MIS18A: variants seen among roughly 807,000 people sequenced by gnomAD.
The protein encoded by MIS18A is protein Mis18-alpha.
A neutral mutation model predicts 25.0 loss-of-function variants in MIS18A; 14 were observed. That is an observed-to-expected ratio of 0.56 (90% CI 0.37 to 0.88). The LOEUF (loss-of-function observed/expected upper bound fraction) is 0.88. MIS18A is among the 40% of genes least tolerant of loss of function. The probability of loss-of-function intolerance (pLI) is 0.00; values close to 1 mark genes in which losing one functional copy is unlikely to be tolerated. For missense variants in MIS18A, 292 were observed against 290.8 expected, an observed-to-expected ratio of 1.00 and a Z score of -0.03; for synonymous variants, 134 against 118.6, an observed-to-expected ratio of 1.13 and a Z score of -0.84.
the MIS18A span, among the ~76,000 whole-genome samples, chr21:32,173,110 T>C: frequency 3.4e-3 from 522 of 152,268 alleles, 3 homozygotes; most frequent in Non-Finnish European, 5.0e-3. Flanking sequence ...AAATCATACT[T>C]CATCAAAATT....
the MIS18A span, among the ~76,000 whole-genome samples, chr21:32,199,823 CACAA>C: frequency 9.2e-5 from 14 of 152,016 alleles, no homozygotes; most frequent in Middle Eastern, 3.4e-3. Context: ...CAAAAACAAA[CACAA>C]ACAAACAAAC....
chr21:32,198,771 CT>C, the MIS18A span, among the ~76,000 whole-genome samples: 2 of 152,194 alleles, frequency 1.3e-5, no homozygotes, highest in African/African-American at 4.8e-5. Context: ...AACAGTGATG[CT>C]TGTTACAGAA....
the MIS18A span, among the ~76,000 whole-genome samples, chr21:32,157,456 T>C: frequency 6.7e-6 from 1 of 149,354 alleles, no homozygotes; most frequent in Non-Finnish European, 1.5e-5. Context: ...TTTTGTAGCA[T>C]TTAAAATTAA....
chr21:32,241,788 C>T, the MIS18A span, among the ~76,000 whole-genome samples: 1 of 152,200 alleles, frequency 6.6e-6, no homozygotes, highest in Non-Finnish European at 1.5e-5. Flanking sequence ...ACTGCCTTAT[C>T]GAGCTATTTT....
chr21:32,176,238 T>C, the MIS18A span, among the ~76,000 whole-genome samples: 1 of 152,254 alleles, frequency 6.6e-6, no homozygotes, highest in African/African-American at 2.4e-5. Context: ...TTATGTACTA[T>C]ACGTAATTGT....
chr21:32,169,435 T>C, the MIS18A span, among the ~76,000 whole-genome samples: 3 of 152,080 alleles, frequency 2.0e-5, no homozygotes, highest in East Asian at 3.9e-4. Context: ...GTGGCAAAAC[T>C]AGTTGGGCCA....
the MIS18A span, among the ~76,000 whole-genome samples, chr21:32,224,489 C>A: frequency 6.7e-6 from 1 of 149,826 alleles, no homozygotes; most frequent in Non-Finnish European, 1.5e-5. Flanking sequence ...CAGCAACAGA[C>A]AAACAGAGAG....
the MIS18A span, among the ~76,000 whole-genome samples, chr21:32,219,531 A>G: frequency 2.0e-5 from 3 of 152,198 alleles, no homozygotes; most frequent in African/African-American, 7.2e-5. Flanking sequence ...CCTGGGTTTC[A>G]AGAACAAAAC....
chr21:32,218,538 T>C, the MIS18A span, among the ~76,000 whole-genome samples: 2 of 152,038 alleles, frequency 1.3e-5, no homozygotes, highest in Admixed American at 6.5e-5. Context: ...AGAGAGGAAA[T>C]AGAGCTATAA....
chr21:32,173,448 T>A, the MIS18A span, among the ~76,000 whole-genome samples: 5 of 152,158 alleles, frequency 3.3e-5, no homozygotes, highest in Non-Finnish European at 7.4e-5. Context: ...CCTACAAATA[T>A]ACCCAAGAGA....
chr21:32,278,657 C>A (rs1389405900), intron 1 of MIS18A, 24 bp downstream of exon 1: 21 of 1,494,212 alleles, frequency 1.4e-5, no homozygotes, highest in South Asian at 5.2e-5. Flanking sequence ...CCACGCCCCC[C>A]CTGCCCGGCT....
At chr21:32,203,762 A>G in the MIS18A span, among the ~76,000 whole-genome samples, 2 of 151,810 alleles carry the variant, frequency 1.3e-5, no homozygotes, top group Admixed American at 6.6e-5. Context: ...GACTACAGGA[A>G]CATGCCACCA....
chr21:32,266,049 G>A (rs906192813), downstream of MIS18A, among the ~76,000 whole-genome samples: 5 of 151,642 alleles, frequency 3.3e-5, no homozygotes, highest in East Asian at 1.9e-4. Context: ...TGGCAAGGAC[G>A]TGGAGAACCT....
the MIS18A span, among the ~76,000 whole-genome samples, chr21:32,237,484 C>CA: frequency 1.3e-5 from 2 of 152,184 alleles, no homozygotes; most frequent in East Asian, 3.8e-4. Flanking sequence ...TGAACACTTA[C>CA]AATGGGCTAA....
the MIS18A span, among the ~76,000 whole-genome samples, chr21:32,195,669 C>A: frequency 6.6e-6 from 1 of 152,120 alleles, no homozygotes; most frequent in African/African-American, 2.4e-5. Flanking sequence ...TAATTATGAG[C>A]TCCGTGCTCC....
the MIS18A span, among the ~76,000 whole-genome samples, chr21:32,244,392 T>C: frequency 6.6e-6 from 1 of 152,128 alleles, no homozygotes. Context: ...ACATTTCATT[T>C]TTTACTAATT....
the MIS18A span, among the ~76,000 whole-genome samples, chr21:32,256,889 A>C: frequency 6.6e-6 from 1 of 152,096 alleles, no homozygotes; most frequent in African/African-American, 2.4e-5. Context: ...ATGCATGTGA[A>C]TAAGACTCAT....
the MIS18A span, among the ~76,000 whole-genome samples, chr21:32,187,374 C>T: frequency 1.3e-5 from 2 of 152,210 alleles, no homozygotes; most frequent in East Asian, 3.9e-4. Flanking sequence ...GATGATTCCG[C>T]ACCAAGGTCT....
chr21:32,194,506 G>A, the MIS18A span, among the ~76,000 whole-genome samples: 2 of 151,882 alleles, frequency 1.3e-5, no homozygotes, highest in South Asian at 2.1e-4. Context: ...CTAAAAATAC[G>A]AAATTAGCCA....
Sources: gnomAD v4.1 joint callset for allele counts (sites outside exome capture counted in the v4.1 genomes callset) on GRCh38, gnomAD v4.1.1 for gene constraint, MANE v1.5 for transcripts, NCBI Gene and HGNC (gene_info 2026-07-23, HGNC 2026-07-21) for gene names.